TPD52L1: variants seen among roughly 807,000 people sequenced by gnomAD.
TPD52L1 encodes TPD52 like 1.
Under a neutral mutation model 28.7 loss-of-function variants are expected in TPD52L1, and 18 were observed. The observed-to-expected ratio is 0.63, with a 90% CI of 0.43 to 0.93. TPD52L1 has a LOEUF of 0.93. TPD52L1 is among the 40% of genes least tolerant of loss of function. TPD52L1 has a pLI of 0.00. For synonymous variants in TPD52L1, 75 were observed against 88.8 expected, an observed-to-expected ratio of 0.84 and a Z score of 0.88; for missense variants, 203 against 254.8, an observed-to-expected ratio of 0.80 and a Z score of 1.39.
chr6:125,174,086 C>T (rs897362809), intron 1 of TPD52L1, among the ~76,000 whole-genome samples: 2 of 152,058 alleles, frequency 1.3e-5, no homozygotes, highest in African/African-American at 4.8e-5. Context: ...GGGGGGCCCT[C>T]GATGGATCTT....
intron 1 of TPD52L1, among the ~76,000 whole-genome samples, chr6:125,211,305 ATCG>A (rs1794489781): frequency 6.8e-6 from 1 of 147,034 alleles, no homozygotes; most frequent in Admixed American, 6.8e-5. Flanking sequence ...CTATCTATCT[ATCG>A]TGTAACACAT....
At chr6:125,239,816 G>A (rs974047430) in intron 3 of TPD52L1, among the ~76,000 whole-genome samples, 13 of 152,146 alleles carry the variant, frequency 8.5e-5, no homozygotes, top group Non-Finnish European at 1.9e-4. Context: ...CTTCTGCTGT[G>A]CAGAAGCTTT....
intron 1 of TPD52L1, among the ~76,000 whole-genome samples, chr6:125,188,655 CTTTAT>C (rs1445053745): frequency 1.3e-5 from 2 of 152,150 alleles, no homozygotes; most frequent in African/African-American, 4.8e-5. Context: ...TTCTAGTCTA[CTTTAT>C]TTTATCTCAT....
chr6:125,183,531 G>C (rs559048289), intron 1 of TPD52L1, among the ~76,000 whole-genome samples: 32 of 152,184 alleles, frequency 2.1e-4, no homozygotes, highest in Non-Finnish European at 4.0e-4. Flanking sequence ...TATGTATTCA[G>C]AAGAAGCACA....
At chr6:125,195,479 G>A (rs1008138646) in intron 1 of TPD52L1, among the ~76,000 whole-genome samples, 2 of 152,146 alleles carry the variant, frequency 1.3e-5, no homozygotes, top group African/African-American at 4.8e-5. Context: ...TCTGCATTTT[G>A]TGTCACCCAT....
chr6:125,185,819 G>A (rs1273608822), intron 1 of TPD52L1, among the ~76,000 whole-genome samples: 1 of 150,176 alleles, frequency 6.7e-6, no homozygotes, highest in Non-Finnish European at 1.5e-5. Flanking sequence ...TTAGAAATGA[G>A]AAAACAAACA....
chr6:125,170,710 G>A (rs1024964356), intron 1 of TPD52L1, among the ~76,000 whole-genome samples: 6 of 152,076 alleles, frequency 3.9e-5, no homozygotes, highest in African/African-American at 1.4e-4. Context: ...CATGAAACTG[G>A]CAGGCCAATG....
At chr6:125,246,384 T>A (rs534337644) in intron 3 of TPD52L1, among the ~76,000 whole-genome samples, 41 of 152,132 alleles carry the variant, frequency 2.7e-4, no homozygotes, top group Non-Finnish European at 4.4e-4. Context: ...TCGGTGTTCC[T>A]GGTAAGTTCC....
chr6:125,190,195 C>T (rs1046304418), intron 1 of TPD52L1, among the ~76,000 whole-genome samples: 2 of 152,126 alleles, frequency 1.3e-5, no homozygotes, highest in South Asian at 2.1e-4. Context: ...CCAGCTGTGA[C>T]TTTGTGAATG....
chr6:125,190,499 C>T lies in TPD52L1; in HGVS notation c.20-29579C>T, dbSNP rs193291044. ...TCCTGGAAGACAGTTTTTCCACAGA[C>T]GAAGGTTGGGGGATGGTTTTGGGAT... On this transcript the variant is annotated intron_variant, in intron 1 of 6. Coordinates refer to ENST00000534000, the MANE Select transcript of TPD52L1 (RefSeq NM_003287.4). 1.8e-3 allele frequency among the ~76,000 whole-genome samples: 276 copies of T among 152,114 alleles called. 5 individuals are homozygous for T. In the South Asian group the frequency reaches 0.025, roughly 14 times the overall value.
intron 6 of TPD52L1, among the ~76,000 whole-genome samples, chr6:125,259,534 A>C (rs1485938715): frequency 1.3e-5 from 2 of 152,198 alleles, no homozygotes; most frequent in Non-Finnish European, 2.9e-5. Context: ...ATCCAAAACA[A>C]ACAAGTAAAT....
intron 5 of TPD52L1, among the ~76,000 whole-genome samples, chr6:125,254,438 G>C (rs530909519): frequency 6.6e-6 from 1 of 152,108 alleles, no homozygotes; most frequent in East Asian, 1.9e-4. Context: ...TGCACTCTTG[G>C]GAAAATCACC....
At chr6:125,212,916 T>C (rs1794615142) in intron 1 of TPD52L1, among the ~76,000 whole-genome samples, 1 of 152,224 alleles carries the variant, frequency 6.6e-6, no homozygotes. Flanking sequence ...CTACCTGTTT[T>C]CCACAGACCT....
Position 125,220,193 on chromosome 6 carries a change from G to C in TPD52L1, c.135G>C (p.Gln45His), listed in dbSNP as rs1017188385. ...EKEELKAELV[Q>H]LEDEITTLRQ... ...AAGAGTTAAAAGCAGAGTTAGTTCA[G>C]GTATGTTTAGTAATCTTATTGTTGC... The change falls in exon 2 of 7, where the codon CAG (glutamine) becomes CAC (histidine). Residue 45 changes from glutamine (Q) to histidine (H), a missense_variant and splice_region_variant. Gln to His is a conservative substitution (Grantham distance 24). Coordinates refer to ENST00000534000, the MANE Select transcript of TPD52L1 (RefSeq NM_003287.4). 1.3e-6 allele frequency: 2 copies of C among 1,591,586 alleles called. No homozygotes were observed. Among genetic ancestry groups the C allele is most frequent in the Non-Finnish European group, 1.7e-6 (2 of 1,159,714 alleles).
chr6:125,253,048 A>T (rs1272894924), intron 4 of TPD52L1: 1 of 152,282 alleles, frequency 6.6e-6, no homozygotes, highest in African/African-American at 2.4e-5. Context: ...CAGGCAACCA[A>T]CCAGAGGGAA....
At chr6:125,211,836 C>T (rs922986846) in intron 1 of TPD52L1, among the ~76,000 whole-genome samples, 4 of 152,234 alleles carry the variant, frequency 2.6e-5, no homozygotes, top group African/African-American at 9.6e-5. Flanking sequence ...AGGCGAGATA[C>T]GAGTTGTTAG....
intron 1 of TPD52L1, among the ~76,000 whole-genome samples, chr6:125,169,338 AT>A (rs1791126857): frequency 6.6e-6 from 1 of 152,100 alleles, no homozygotes; most frequent in Non-Finnish European, 1.5e-5. Flanking sequence ...CAACTCCAAA[AT>A]TTATTTTTCC....
chr6:125,183,761 T>A (rs1189729629), intron 1 of TPD52L1, among the ~76,000 whole-genome samples: 5 of 152,120 alleles, frequency 3.3e-5, no homozygotes, highest in Non-Finnish European at 7.4e-5. Flanking sequence ...TTAGCAACCT[T>A]TTTTCCGCAA....
At chr6:125,198,488 C>T (rs776415496) in intron 1 of TPD52L1, among the ~76,000 whole-genome samples, 8 of 152,152 alleles carry the variant, frequency 5.3e-5, no homozygotes, top group Non-Finnish European at 1.2e-4. Flanking sequence ...TGACCACAAA[C>T]ACATGACCAG....
Sources: allele counts gnomAD v4.1 joint callset (sites outside exome capture counted in the v4.1 genomes callset), GRCh38; gene constraint gnomAD v4.1.1; transcripts MANE v1.5; gene names NCBI Gene and HGNC (gene_info 2026-07-23, HGNC 2026-07-21).